KCNQ1: variants seen among roughly 807,000 people sequenced by gnomAD.
The protein encoded by KCNQ1 is potassium voltage-gated channel subfamily Q member 1.
Under a neutral mutation model 72.4 loss-of-function variants are expected in KCNQ1, and 49 were observed. The observed-to-expected ratio is 0.68, with a 90% CI of 0.54 to 0.86. The LOEUF is 0.86. KCNQ1 is among the 40% of genes least tolerant of loss of function. KCNQ1 has a pLI of 0.00. For synonymous variants in KCNQ1, 450 were observed against 412.6 expected (o/e 1.09, Z -1.10); for missense variants, 790 against 945.1 (o/e 0.84, Z 2.15).
At chr11:2,456,948 A>G (rs1846202481) in intron 1 of KCNQ1, among the ~76,000 whole-genome samples, 1 of 144,244 alleles carries the variant, frequency 6.9e-6, no homozygotes, top group East Asian at 1.9e-4. Flanking sequence ...CAAAAAAAAA[A>G]AAAAAAAAAA....
chr11:2,506,748 G>A (rs1366806907), intron 1 of KCNQ1, among the ~76,000 whole-genome samples: 1 of 152,228 alleles, frequency 6.6e-6, no homozygotes, highest in African/African-American at 2.4e-5. Context: ...TTCTACAGTT[G>A]CGCCAGCAGC....
At chr11:2,730,721 T>C (rs952535651) in intron 11 of KCNQ1, among the ~76,000 whole-genome samples, 4 of 152,186 alleles carry the variant, frequency 2.6e-5, no homozygotes, top group African/African-American at 9.6e-5. Context: ...CGGATTATGG[T>C]ATGAACTGCT....
intron 11 of KCNQ1, chr11:2,699,716 G>A (rs1564862670): frequency 7.1e-5 from 25 of 350,884 alleles, no homozygotes; most frequent in African/African-American, 1.1e-4. Flanking sequence ...CGGCGCCGAG[G>A]AGTCCCCGGG....
rs950305886 is a variant in KCNQ1, at chr11:2,498,804, C to T, written c.387-29124C>T. Among the ~76,000 whole-genome samples the T allele has an allele frequency of 2.0e-5, 3 of 152,292 alleles. No homozygotes were observed. The highest frequency in any genetic ancestry group is 1.9e-4 in the East Asian group (1 of 5,182). Reference sequence around the variant, plus strand: ...CAGTTTTGTGCTTGAAACCCAGGGCCCTGGTGGTATAGGCACATGAAGGAG... The same window carrying T: ...CAGTTTTGTGCTTGAAACCCAGGGCTCTGGTGGTATAGGCACATGAAGGAG... On this transcript the variant is annotated intron_variant, in intron 1 of 15. Coordinates refer to ENST00000155840, the MANE Select transcript of KCNQ1 (RefSeq NM_000218.3). This position sits in a 1 kb window ranked among gnomAD's most constrained non-coding sequence, Gnocchi z 4.8.
chr11:2,789,312 C>T (rs1442521416), intron 15 of KCNQ1, among the ~76,000 whole-genome samples: 1 of 152,318 alleles, frequency 6.6e-6, no homozygotes, highest in Middle Eastern at 3.4e-3. Flanking sequence ...GGAAGGGACT[C>T]TAGCACTGCC....
At chr11:2,589,028 C>T (rs1232218142) in intron 10 of KCNQ1, among the ~76,000 whole-genome samples, 174 bp downstream of exon 10, 1 of 152,200 alleles carries the variant, frequency 6.6e-6, no homozygotes, top group African/African-American at 2.4e-5. Context: ...GGTGCCTTCC[C>T]CTCAGAGTCT....
chr11:2,749,823 T>A lies in KCNQ1; in HGVS notation c.1515-19021T>A, dbSNP rs1007712370. 5.5e-5 allele frequency among the ~76,000 whole-genome samples: 8 copies of A among 145,742 alleles called. 1 individual carries two copies. In the East Asian group the frequency reaches 1.0e-3, roughly 19 times the overall value. On this transcript the variant is annotated intron_variant, in intron 11 of 15. Transcript: ENST00000155840. ...GCGAGACTCCATCTCAAAAAATATA[T>A]ATATATTAGCTGGATGTGGTGGTGG...
intron 15 of KCNQ1, among the ~76,000 whole-genome samples, chr11:2,833,969 T>G (rs990195351): frequency 1.1e-4 from 16 of 152,304 alleles, no homozygotes; most frequent in African/African-American, 3.6e-4. Flanking sequence ...TCCCAGGCTG[T>G]CAGCAGGGGC....
intron 15 of KCNQ1, among the ~76,000 whole-genome samples, chr11:2,819,005 G>A (rs1033910246): frequency 2.6e-5 from 4 of 152,214 alleles, no homozygotes; most frequent in African/African-American, 7.2e-5. Flanking sequence ...CCTGAAAGGA[G>A]CTAGTCCTCT....
intron 15 of KCNQ1, among the ~76,000 whole-genome samples, chr11:2,805,792 A>G (rs766880560): frequency 6.6e-6 from 1 of 152,194 alleles, no homozygotes; most frequent in Non-Finnish European, 1.5e-5. Flanking sequence ...TGGAAGTATG[A>G]GCCGGTTCCC....
intron 11 of KCNQ1, among the ~76,000 whole-genome samples, chr11:2,744,250 C>T (rs1230814958): frequency 6.6e-6 from 1 of 152,266 alleles, no homozygotes; most frequent in African/African-American, 2.4e-5. Flanking sequence ...AGTGTCTCTG[C>T]TCAAACAGGA....
chr11:2,445,269 C>A lies in KCNQ1; in HGVS notation c.171C>A (p.Gly57=). The A allele has an allele frequency of 8.1e-7, 1 of 1,229,670 alleles. No individual in the cohort carries two copies. Among genetic ancestry groups the A allele is most frequent in the Non-Finnish European group, 1.0e-6 (1 of 990,992 alleles). The allele number at this position is 1,229,670 out of a possible 1,614,324, so 76.2% of individuals were successfully genotyped here. ...CGCTCTACGCGCCCATCGCGCCCGG[C>A]GCCCCAGGTCCCGCGCCCCCTGCGT... The part of the protein sequence containing the change: ...GGALYAPIAP[G]APGPAPPASP... The change falls in exon 1 of 16, where the codon GGC becomes GGA. Residue 57 remains glycine (G), a synonymous_variant. Coordinates refer to ENST00000155840, the MANE Select transcript of KCNQ1 (RefSeq NM_000218.3).
In KCNQ1 at chr11:2,755,375, T is replaced by G. The variant is rs935388425; in HGVS notation, c.1515-13469T>G. ...AAACGATTCTTCCACCTCAACTTCC[T>G]GAGTAGCTGGGACTACACGCACGTG... is the stretch of plus-strand genomic sequence containing the variant. On this transcript the variant is annotated intron_variant, in intron 11 of 15. Coordinates refer to ENST00000155840, the MANE Select transcript of KCNQ1 (RefSeq NM_000218.3). Among the ~76,000 whole-genome samples the G allele has an allele frequency of 3.3e-5, 5 of 152,330 alleles. No individual in the cohort carries two copies. In the South Asian group the frequency reaches 8.3e-4, roughly 25 times the overall value.
At chr11:2,837,154 C>T (rs911109620) in intron 15 of KCNQ1, among the ~76,000 whole-genome samples, 7 of 152,242 alleles carry the variant, frequency 4.6e-5, no homozygotes, top group Middle Eastern at 3.4e-3. Flanking sequence ...GGCAGCCTCT[C>T]GAGTGTCCAG....
Position 2,690,907 on chromosome 11 carries a change from T to C in KCNQ1, c.1514+28826T>C, listed in dbSNP as rs1035946045. ...CTGTTTCCGTCTGGGTTTTGTCATG[T>C]GTAGGTCCCAGCGGCTTTAAGCCAA... On this transcript the variant is annotated intron_variant, in intron 11 of 15. Coordinates refer to ENST00000155840, the MANE Select transcript of KCNQ1 (RefSeq NM_000218.3). This position sits in a 1 kb window ranked among gnomAD's most constrained non-coding sequence, Gnocchi z 5.1. The C allele has an allele frequency of 7.5e-6, 3 of 398,454 alleles. No individual in the cohort carries two copies. Among genetic ancestry groups the C allele is most frequent in the African/African-American group, 4.1e-5 (2 of 48,606 alleles). The allele number at this position is 398,454 out of a possible 1,614,324, so 24.7% of individuals were successfully genotyped here. A position where few individuals can be genotyped will look rare whatever the true frequency, so the allele number is the denominator to read the frequency against.
At chr11:2,699,573 G>A in intron 11 of KCNQ1, 1 of 329,934 alleles carries the variant, frequency 3.0e-6, no homozygotes, top group Non-Finnish European at 5.3e-6. Flanking sequence ...CCATGCTGAG[G>A]AGCCCCCGGG....
Position 2,753,688 on chromosome 11 carries a change from A to G in KCNQ1, c.1515-15156A>G, listed in dbSNP as rs73419374. Among the ~76,000 whole-genome samples the G allele has an allele frequency of 4.3e-3, 657 of 152,354 alleles. 4 individuals are homozygous for G. The highest frequency in any genetic ancestry group is 0.015 in the African/African-American group (631 of 41,584). On this transcript the variant is annotated intron_variant, in intron 11 of 15. Coordinates refer to ENST00000155840, the MANE Select transcript of KCNQ1 (RefSeq NM_000218.3). ...TCAAAATGTCCCTTGCATCCCAGGT[A>G]CAAAGCCATACCAGGCCCCATGGGG...
At chr11:2,717,798 C>G (rs1851118629) in intron 11 of KCNQ1, among the ~76,000 whole-genome samples, 1 of 152,222 alleles carries the variant, frequency 6.6e-6, no homozygotes, top group South Asian at 2.1e-4. Flanking sequence ...CTCACAGCGG[C>G]TGGAGAGCAG....
Position 2,463,710 on chromosome 11 carries a change from A to T in KCNQ1, c.386+18226A>T, listed in dbSNP as rs1279702859. Among the ~76,000 whole-genome samples the T allele has an allele frequency of 6.6e-6, 1 of 152,080 alleles. No individual in the cohort carries two copies. Among genetic ancestry groups the T allele is most frequent in the East Asian group, 1.9e-4 (1 of 5,176 alleles). On this transcript the variant is annotated intron_variant, in intron 1 of 15. Transcript: ENST00000155840. This position sits in a 1 kb window ranked among gnomAD's most constrained non-coding sequence, Gnocchi z 7.0. ...GGGAGGTCTGTGGGTGCCCAGGCCG[A>T]GATGTGAACCCTGAGTTTGTGCAAC...
Sources: allele counts gnomAD v4.1 joint callset (sites outside exome capture counted in the v4.1 genomes callset), GRCh38; gene constraint gnomAD v4.1.1; non-coding constraint Gnocchi (gnomAD v3.1); transcripts MANE v1.5; gene names NCBI Gene and HGNC (gene_info 2026-07-23, HGNC 2026-07-21).